Variants in EDAR observed in about 807,000 individuals in gnomAD.
EDAR encodes the protein ectodysplasin A receptor.
Under a neutral mutation model 51.3 loss-of-function variants are expected in EDAR, and 38 were observed. That is an observed-to-expected ratio of 0.74 (90% CI 0.57 to 0.97). EDAR has a LOEUF of 0.97. Ranked by LOEUF, EDAR falls within the 50% of genes least tolerant of loss-of-function variation. The probability of loss-of-function intolerance (pLI) is 0.00; values close to 1 mark genes in which losing one functional copy is unlikely to be tolerated. For synonymous variants in EDAR, 227 were observed against 242.1 expected, an observed-to-expected ratio of 0.94 and a Z score of 0.58; for missense variants, 528 against 595.0, an observed-to-expected ratio of 0.89 and a Z score of 1.17.
At chr2:108,982,287 G>C (rs1261272650) in intron 1 of EDAR, among the ~76,000 whole-genome samples, 1 of 152,264 alleles carries the variant, frequency 6.6e-6, no homozygotes, top group Non-Finnish European at 1.5e-5. Context: ...CACTGGGAGA[G>C]CTGTTTACAG....
intron 1 of EDAR, among the ~76,000 whole-genome samples, chr2:108,964,366 C>A (rs1021853478): frequency 6.6e-6 from 1 of 152,146 alleles, no homozygotes; most frequent in Non-Finnish European, 1.5e-5. Flanking sequence ...CATGATGCCA[C>A]GGCTCCAAAG....
chr2:108,906,611 G>A (rs550056880), intron 10 of EDAR, among the ~76,000 whole-genome samples: 3 of 152,226 alleles, frequency 2.0e-5, no homozygotes, highest in Admixed American at 6.5e-5. Flanking sequence ...GGTCAGACTC[G>A]TAAGATACTT....
At chr2:108,978,380 C>G (rs1698364285) in intron 1 of EDAR, among the ~76,000 whole-genome samples, 1 of 152,126 alleles carries the variant, frequency 6.6e-6, no homozygotes, top group South Asian at 2.1e-4. Context: ...GTACAAAAAG[C>G]TCAGTAAAAA....
chr2:108,934,966 A>G (rs926458250), intron 1 of EDAR, among the ~76,000 whole-genome samples: 1 of 152,226 alleles, frequency 6.6e-6, no homozygotes, highest in African/African-American at 2.4e-5. Context: ...GATCCAGTTC[A>G]GGGGTTGTGA....
At chr2:108,915,263 G>A (rs1411662010) in intron 5 of EDAR, among the ~76,000 whole-genome samples, 1 of 152,162 alleles carries the variant, frequency 6.6e-6, no homozygotes, top group East Asian at 1.9e-4. Context: ...CTTGTTCTGT[G>A]AGTGGGGGCA....
intron 1 of EDAR, among the ~76,000 whole-genome samples, chr2:108,973,127 AT>A (rs1698264714): frequency 6.6e-6 from 1 of 152,130 alleles, no homozygotes. Flanking sequence ...GCTGGGATTA[AT>A]GGCACCCGCC....
rs147715464 is a variant in EDAR at position 108,936,673 on chromosome 2, G to A, written c.-18-5641C>T. On this transcript the variant is annotated intron_variant, in intron 1 of 11. Coordinates refer to ENST00000258443, the MANE Select transcript of EDAR (RefSeq NM_022336.4). ...CCCTTCCCTGTAGGGAGCCCGCAAG[G>A]TCACCATCAGAGCAGCTGAAAACAC... Among the ~76,000 whole-genome samples, 391 of 152,278 alleles carry A rather than the reference G, an allele frequency of 2.6e-3. 3 individuals are homozygous for A. The highest frequency in any genetic ancestry group is 9.0e-3 in the African/African-American group (376 of 41,548).
intron 1 of EDAR, among the ~76,000 whole-genome samples, chr2:108,937,009 C>A (rs1379097972): frequency 2.0e-5 from 3 of 152,178 alleles, no homozygotes. Flanking sequence ...GCAGGGGAGG[C>A]CCCCCACAGT....
intron 1 of EDAR, among the ~76,000 whole-genome samples, chr2:108,942,105 CAG>C (rs1173127379): frequency 6.6e-6 from 1 of 152,238 alleles, no homozygotes; most frequent in East Asian, 1.9e-4. Flanking sequence ...GTGCTGGGGG[CAG>C]AGGCCCCATC....
intron 1 of EDAR, among the ~76,000 whole-genome samples, chr2:108,947,938 G>A (rs966321170): frequency 5.9e-5 from 9 of 152,138 alleles, no homozygotes; most frequent in African/African-American, 2.2e-4. Context: ...ATATAGTTAG[G>A]TTGCAAATTT....
chr2:108,896,823 G>A lies in EDAR; in HGVS notation c.*84C>T. ...CATATCACAAAAGCCTTGATTCTTG[G>A]CAGTCTTTTGGCACCACTCACAGCT... On this transcript the variant is annotated 3_prime_UTR_variant, in exon 12 of 12. Coordinates refer to ENST00000258443, the MANE Select transcript of EDAR (RefSeq NM_022336.4). 7.4e-7 allele frequency: 1 copy of A among 1,352,944 alleles called. No homozygotes were observed. Among genetic ancestry groups the A allele is most frequent in the Middle Eastern group, 2.4e-4 (1 of 4,224 alleles). 83.8% of individuals were successfully genotyped at this position (1,352,944 alleles called of 1,614,324 possible).
At chr2:108,975,897 G>A (rs1698315157) in intron 1 of EDAR, among the ~76,000 whole-genome samples, 1 of 152,166 alleles carries the variant, frequency 6.6e-6, no homozygotes, top group South Asian at 2.1e-4. Context: ...AAAGAGGAGG[G>A]TGACTGAATC....
chr2:108,906,958 CA>C lies in EDAR; in HGVS notation c.964-591del, dbSNP rs202178414. ...CAGGATCCCAACTGGGCATTTTTGCCATCAGTGATGTTGCCTAGCAACACAG... is the reference window on the plus strand; with the variant it reads ...CAGGATCCCAACTGGGCATTTTTGCCTCAGTGATGTTGCCTAGCAACACAG... On this transcript the variant is annotated intron_variant, in intron 10 of 11. Coordinates refer to ENST00000258443, the MANE Select transcript of EDAR (RefSeq NM_022336.4). 4.8e-3 allele frequency among the ~76,000 whole-genome samples: 728 copies of C among 152,338 alleles called. 7 individuals are homozygous for C. Among genetic ancestry groups the C allele is most frequent in the South Asian group, 0.023 (109 of 4,826 alleles).
chr2:108,923,167 C>T (rs2105431022), intron 5 of EDAR, among the ~76,000 whole-genome samples: 1 of 152,320 alleles, frequency 6.6e-6, no homozygotes, highest in East Asian at 1.9e-4. Context: ...AGAACCTCAG[C>T]CTCTGACTCA....
intron 4 of EDAR, among the ~76,000 whole-genome samples, chr2:108,927,588 G>A (rs1558812900): frequency 1.3e-5 from 2 of 152,116 alleles, no homozygotes; most frequent in Admixed American, 1.3e-4. Context: ...ATAGGTCGGC[G>A]AGGTTCCGTG....
chr2:108,986,672 T>C (rs1478658133), intron 1 of EDAR, among the ~76,000 whole-genome samples: 1 of 152,222 alleles, frequency 6.6e-6, no homozygotes, highest in Non-Finnish European at 1.5e-5. Flanking sequence ...AAGACATTCA[T>C]GACAACGCTT....
intron 1 of EDAR, among the ~76,000 whole-genome samples, chr2:108,981,872 G>A: frequency 6.6e-6 from 1 of 152,196 alleles, no homozygotes; most frequent in East Asian, 1.9e-4. Context: ...CAGGACTGCT[G>A]TGCAGATTAA....
At chr2:108,945,849 CA>C (rs1340448544) in intron 1 of EDAR, among the ~76,000 whole-genome samples, 1 of 152,144 alleles carries the variant, frequency 6.6e-6, no homozygotes, top group Admixed American at 6.5e-5. Flanking sequence ...ATGAGGTCCC[CA>C]GAGTAGTCAG....
At chr2:108,898,440 C>T (rs1440019435) in intron 11 of EDAR, among the ~76,000 whole-genome samples, 3 of 152,204 alleles carry the variant, frequency 2.0e-5, no homozygotes, top group Admixed American at 6.5e-5. Flanking sequence ...ACAGCACCCT[C>T]ATTCTCCTGC....
Sources: allele counts gnomAD v4.1 joint callset (sites outside exome capture counted in the v4.1 genomes callset), GRCh38; gene constraint gnomAD v4.1.1; transcripts MANE v1.5; gene names NCBI Gene and HGNC (gene_info 2026-07-23, HGNC 2026-07-21).